CDH13: variants seen among roughly 807,000 people sequenced by gnomAD.
CDH13 encodes cadherin-13.
Under a neutral mutation model 63.8 loss-of-function variants are expected in CDH13, and 24 were observed. That is an observed-to-expected ratio of 0.38 (90% confidence interval 0.27 to 0.53). CDH13 has a LOEUF of 0.53. CDH13 is among the 20% of genes least tolerant of loss of function. CDH13 has a pLI of 0.85. For missense variants in CDH13, 1,049 were observed against 903.1 expected (o/e 1.16, Z -2.07); for synonymous variants, 503 against 355.3 (o/e 1.42, Z -4.67).
At chr16:83,527,658 T>C (rs1441553670) in intron 7 of CDH13, among the ~76,000 whole-genome samples, 2 of 152,256 alleles carry the variant, frequency 1.3e-5, no homozygotes, top group East Asian at 3.9e-4. Flanking sequence ...TGATGATATA[T>C]ACACCTGACC....
chr16:83,193,572 CT>C (rs1011678250), intron 4 of CDH13, among the ~76,000 whole-genome samples: 38 of 152,286 alleles, frequency 2.5e-4, no homozygotes, highest in African/African-American at 8.2e-4. Context: ...TCCCTGAGAC[CT>C]TTTCCCACAA....
At chr16:83,623,798 G>A (rs1262077682) in intron 8 of CDH13, among the ~76,000 whole-genome samples, 4 of 152,162 alleles carry the variant, frequency 2.6e-5, no homozygotes, top group Non-Finnish European at 5.9e-5. Context: ...CCTCACACAG[G>A]AATGGTCAAA....
intron 4 of CDH13, among the ~76,000 whole-genome samples, chr16:83,157,325 C>T (rs559394130): frequency 1.3e-5 from 2 of 152,230 alleles, no homozygotes; most frequent in South Asian, 2.1e-4. Flanking sequence ...GAACCATGTG[C>T]CTACCCTTTG....
chr16:83,420,582 A>G (rs2071686252), intron 6 of CDH13, among the ~76,000 whole-genome samples: 1 of 152,350 alleles, frequency 6.6e-6, no homozygotes, highest in South Asian at 2.1e-4. Flanking sequence ...CAGTGGTACC[A>G]TTATCATTGT....
At chr16:83,221,100 A>C (rs1282330573) in intron 5 of CDH13, among the ~76,000 whole-genome samples, 3 of 152,198 alleles carry the variant, frequency 2.0e-5, no homozygotes, top group African/African-American at 7.2e-5. Context: ...ATTTCTTTTC[A>C]GCTCCAAAGC....
At chr16:83,025,364 T>G (rs1349694371) in intron 2 of CDH13, among the ~76,000 whole-genome samples, 1 of 152,142 alleles carries the variant, frequency 6.6e-6, no homozygotes, top group Non-Finnish European at 1.5e-5. Flanking sequence ...TGACTCACAG[T>G]TCAGCATGGC....
At chr16:82,973,854 A>C (rs562672888) in intron 2 of CDH13, among the ~76,000 whole-genome samples, 59 of 152,292 alleles carry the variant, frequency 3.9e-4, no homozygotes, top group African/African-American at 1.3e-3. Context: ...CAGCTGTTTC[A>C]TTGATGTAAA....
chr16:83,262,726 T>TTATAA (rs1178541192), intron 5 of CDH13, among the ~76,000 whole-genome samples: 1 of 152,108 alleles, frequency 6.6e-6, no homozygotes. Flanking sequence ...ATGAGATGGG[T>TTATAA]TATAATAAAT....
chr16:83,665,666 G>A (rs925375427), intron 8 of CDH13, among the ~76,000 whole-genome samples: 1 of 152,056 alleles, frequency 6.6e-6, no homozygotes, highest in Non-Finnish European at 1.5e-5. Context: ...TTAATGGCTC[G>A]TGAACTTAGT....
intron 5 of CDH13, among the ~76,000 whole-genome samples, chr16:83,246,659 T>C (rs1293193717): frequency 6.6e-6 from 1 of 152,210 alleles, no homozygotes; most frequent in African/African-American, 2.4e-5. Context: ...ACTGTCATTG[T>C]CATTCACTTG....
intron 7 of CDH13, among the ~76,000 whole-genome samples, chr16:83,589,721 A>G (rs1567788935): frequency 6.6e-6 from 1 of 152,102 alleles, no homozygotes; most frequent in Non-Finnish European, 1.5e-5. Context: ...CACAGGACGG[A>G]CGTGTGAAGG....
At chr16:82,713,301 A>G (rs1292337754) in intron 1 of CDH13, among the ~76,000 whole-genome samples, 1 of 152,138 alleles carries the variant, frequency 6.6e-6, no homozygotes, top group Non-Finnish European at 1.5e-5. Flanking sequence ...AGGCAATTCT[A>G]TACACACTGG....
chr16:83,681,800 A>G (rs1442776089), intron 10 of CDH13, among the ~76,000 whole-genome samples: 4 of 152,194 alleles, frequency 2.6e-5, no homozygotes, highest in African/African-American at 9.6e-5. Flanking sequence ...GAGAGGGGCC[A>G]GGATGGGAGA....
chr16:83,322,782 C>A (rs1488948583), intron 5 of CDH13, among the ~76,000 whole-genome samples: 2 of 152,094 alleles, frequency 1.3e-5, no homozygotes, highest in Non-Finnish European at 2.9e-5. Context: ...ATGTCAGGAC[C>A]ATCTCCTACT....
intron 2 of CDH13, among the ~76,000 whole-genome samples, chr16:83,000,583 T>C (rs1233305398): frequency 3.3e-5 from 5 of 149,732 alleles, no homozygotes; most frequent in Non-Finnish European, 7.4e-5. Context: ...TCTTTTTTTT[T>C]TTTTTTTGTT....
intron 10 of CDH13, among the ~76,000 whole-genome samples, chr16:83,703,017 C>A (rs1906480589): frequency 2.6e-5 from 4 of 152,198 alleles, no homozygotes; most frequent in Admixed American, 6.5e-5. Context: ...TCCTGTCTGC[C>A]TCTGCTATGG....
intron 5 of CDH13, among the ~76,000 whole-genome samples, chr16:83,321,232 G>C (rs1225937642): frequency 6.6e-6 from 1 of 152,202 alleles, no homozygotes; most frequent in Non-Finnish European, 1.5e-5. Context: ...ATTCAGGTCA[G>C]ATGGCCTGGA....
intron 4 of CDH13, among the ~76,000 whole-genome samples, chr16:83,175,821 C>CTTTTT (rs762355886): frequency 9.3e-4 from 84 of 90,002 alleles, no homozygotes; most frequent in Admixed American, 1.4e-3. Context: ...TTTCAACCTG[C>CTTTTT]TTTTTTTTTT....
At chr16:83,436,682 T>C (rs764165540) in intron 6 of CDH13, among the ~76,000 whole-genome samples, 7 of 152,234 alleles carry the variant, frequency 4.6e-5, no homozygotes, top group African/African-American at 1.2e-4. Flanking sequence ...CCAAGTAATA[T>C]GTTCCATGTG....
Sources: allele counts gnomAD v4.1 joint callset (sites outside exome capture counted in the v4.1 genomes callset), GRCh38; gene constraint gnomAD v4.1.1; transcripts MANE v1.5; gene names NCBI Gene and HGNC (gene_info 2026-07-23, HGNC 2026-07-21).